VOPP1: variants seen among roughly 807,000 people sequenced by gnomAD.
VOPP1 encodes the protein VOPP1 WW domain binding protein.
VOPP1 carries 8 observed loss-of-function variants against 23.5 expected under a neutral mutation model. The observed-to-expected ratio is 0.34, with a 90% CI of 0.20 to 0.61. The LOEUF (loss-of-function observed/expected upper bound fraction) is 0.61, where lower values mean the gene tolerates loss of function less well. VOPP1 is among the 20% of genes least tolerant of loss of function. The probability of loss-of-function intolerance (pLI) is 0.78; values close to 1 mark genes in which losing one functional copy is unlikely to be tolerated. For missense variants in VOPP1, 174 were observed against 238.1 expected (o/e 0.73, Z 1.77); for synonymous variants, 83 against 97.3 (o/e 0.85, Z 0.86).
rs1339891537 is a variant in VOPP1, at chr7:55,539,031, TA to T, written c.55-17902del. 8.4e-3 allele frequency among the ~76,000 whole-genome samples: 640 copies of T among 75,766 alleles called. 9 individuals carry two copies. The highest frequency in any genetic ancestry group is 0.034 in the African/African-American group (583 of 16,960). 49.7% of individuals were successfully genotyped at this position (75,766 alleles called of 152,430 possible). On this transcript the variant is annotated intron_variant, in intron 1 of 4. Coordinates refer to ENST00000285279, the MANE Select transcript of VOPP1 (RefSeq NM_030796.5). ...TTCATTCCTTTTTGTTTCATTCCTT[TA>T]AAAAAAAAGGGGGGGGGGGAGGGGC...
downstream of VOPP1, among the ~76,000 whole-genome samples, chr7:55,467,857 C>T (rs111578138): frequency 0.012 from 1,832 of 152,354 alleles, 13 homozygotes; most frequent in Admixed American, 0.021. Context: ...TCCTGTAATA[C>T]ACCCCTTCTA....
At chr7:55,445,130 G>T (rs913617690) in intron 4 of VOPP1, among the ~76,000 whole-genome samples, 5 of 152,148 alleles carry the variant, frequency 3.3e-5, no homozygotes, top group African/African-American at 1.2e-4. Context: ...GAACAGAAGA[G>T]GGGGTGAAAC....
At chr7:55,461,389 TA>T (rs536045594) in intron 4 of VOPP1, among the ~76,000 whole-genome samples, 1 of 150,974 alleles carries the variant, frequency 6.6e-6, no homozygotes, top group South Asian at 2.1e-4. Flanking sequence ...TACAGAAATT[TA>T]AAAAAAAATG....
chr7:55,515,423 G>A (rs1472960957), intron 2 of VOPP1, among the ~76,000 whole-genome samples: 2 of 152,162 alleles, frequency 1.3e-5, no homozygotes, highest in Non-Finnish European at 2.9e-5. Flanking sequence ...AAAATCAGCG[G>A]ACCCATCAGC....
intron 1 of VOPP1, among the ~76,000 whole-genome samples, chr7:55,523,223 G>A (rs903596346): frequency 9.2e-5 from 14 of 152,154 alleles, no homozygotes; most frequent in African/African-American, 3.4e-4. Flanking sequence ...TAGTGAAAAA[G>A]CATAGGCAAA....
intron 4 of VOPP1, among the ~76,000 whole-genome samples, chr7:55,459,591 A>G (rs1791448127): frequency 6.6e-6 from 1 of 152,062 alleles, no homozygotes; most frequent in South Asian, 2.1e-4. Context: ...TTCCAGGTTC[A>G]ATCTTGGAAG....
Position 55,572,393 on chromosome 7 carries a change from C to G in VOPP1, c.-69G>C. 8.7e-7 allele frequency: 1 copy of G among 1,155,138 alleles called. No individual in the cohort carries two copies. The highest frequency in any genetic ancestry group is 1.1e-6 in the Non-Finnish European group (1 of 918,108). 71.6% of individuals were successfully genotyped at this position (1,155,138 alleles called of 1,614,324 possible). On this transcript the variant is annotated 5_prime_UTR_variant, in exon 1 of 5. Coordinates refer to ENST00000285279, the MANE Select transcript of VOPP1 (RefSeq NM_030796.5). ...GGCGCGCTTCGCGACTCGGCCCCCG[C>G]GCGGGGCGGGCGGGCAGACTGCAGC... is the stretch of plus-strand genomic sequence containing the variant.
At chr7:55,507,890 T>A (rs1158376544) in intron 2 of VOPP1, among the ~76,000 whole-genome samples, 1 of 152,198 alleles carries the variant, frequency 6.6e-6, no homozygotes, top group Admixed American at 6.5e-5. Context: ...ACTGCTTTGA[T>A]GAGGCCTGAG....
rs189175011 is a variant in VOPP1 at position 55,565,913 on chromosome 7, C to T, written c.54+6358G>A. 3.8e-3 allele frequency among the ~76,000 whole-genome samples: 575 copies of T among 152,286 alleles called. 13 individuals are homozygous for T. Among genetic ancestry groups the T allele is most frequent in the Non-Finnish European group, 8.8e-4 (60 of 68,024 alleles). On this transcript the variant is annotated intron_variant, in intron 1 of 4. Coordinates refer to ENST00000285279, the MANE Select transcript of VOPP1 (RefSeq NM_030796.5). ...CCTGGAGGGGAACCAAAGGTTTCAG[C>T]ACAAACCACAAGAAACACTGGATTC...
chr7:55,538,033 C>T (rs998421619), intron 1 of VOPP1, among the ~76,000 whole-genome samples: 1 of 152,350 alleles, frequency 6.6e-6, no homozygotes, highest in Non-Finnish European at 1.5e-5. Flanking sequence ...CAAACACTGC[C>T]TCCAGCCTGG....
At chr7:55,565,931 C>A (rs1798149793) in intron 1 of VOPP1, among the ~76,000 whole-genome samples, 1 of 152,210 alleles carries the variant, frequency 6.6e-6, no homozygotes, top group South Asian at 2.1e-4. Context: ...ACAAGAAACA[C>A]TGGATTCACC....
At chr7:55,513,765 T>C (rs971106819) in intron 2 of VOPP1, among the ~76,000 whole-genome samples, 3 of 152,214 alleles carry the variant, frequency 2.0e-5, no homozygotes, top group African/African-American at 7.2e-5. Context: ...GCCAAATCTT[T>C]TCCTCTTCCC....
chr7:55,534,131 C>CTT (rs10669665), intron 1 of VOPP1, among the ~76,000 whole-genome samples: 47,199 of 140,122 alleles, frequency 0.34, 8,430 homozygotes, highest in African/African-American at 0.44. Flanking sequence ...TTTCATGTAG[C>CTT]TTTTTTTTTT....
At position 55,560,467 on chromosome 7, in the gene VOPP1, G is replaced by A. The variant is rs556610110; in HGVS notation, c.54+11804C>T. On this transcript the variant is annotated intron_variant, in intron 1 of 4. Transcript: ENST00000285279. ...GAGAGAAATTAGAAGACACAGAATCGCTGGCTTTGAAGGGGAGGAAGGGAC... is the reference window on the plus strand; with the variant it reads ...GAGAGAAATTAGAAGACACAGAATCACTGGCTTTGAAGGGGAGGAAGGGAC... 1.4e-3 allele frequency among the ~76,000 whole-genome samples: 213 copies of A among 152,248 alleles called. 2 individuals carry two copies. Among genetic ancestry groups the A allele is most frequent in the African/African-American group, 5.0e-3 (209 of 41,526 alleles).
intron 1 of VOPP1, chr7:55,562,122 G>C: frequency 1.3e-5 from 9 of 700,630 alleles, no homozygotes; most frequent in Non-Finnish European, 2.3e-5. Context: ...TCATTCTAAT[G>C]TACAGCCAAC....
chr7:55,557,401 C>G (rs1303557718), intron 1 of VOPP1, among the ~76,000 whole-genome samples: 1 of 150,800 alleles, frequency 6.6e-6, no homozygotes, highest in African/African-American at 2.4e-5. Flanking sequence ...TTGCCACCAT[C>G]ATCTGGAGAA....
chr7:55,494,862 A>G (rs764349275), intron 3 of VOPP1, among the ~76,000 whole-genome samples: 17 of 152,142 alleles, frequency 1.1e-4, no homozygotes, highest in Non-Finnish European at 2.4e-4. Context: ...AGAGAGGAGT[A>G]GTAGTAAGAA....
At chr7:55,497,740 G>A (rs377339047) in intron 2 of VOPP1, 50 bp from the exon 3 acceptor site, 158 of 1,553,102 alleles carry the variant, frequency 1.0e-4, no homozygotes, top group Admixed American at 5.5e-4. Flanking sequence ...AGCAGCCACC[G>A]GACCAGCCAT....
chr7:55,542,863 C>A (rs1057216960), intron 1 of VOPP1, among the ~76,000 whole-genome samples: 2 of 151,192 alleles, frequency 1.3e-5, no homozygotes, highest in African/African-American at 4.8e-5. Flanking sequence ...TAATGTTCTC[C>A]ATATTGATCC....
Sources: gnomAD v4.1 joint callset for allele counts (sites outside exome capture counted in the v4.1 genomes callset) on GRCh38, gnomAD v4.1.1 for gene constraint, MANE v1.5 for transcripts, NCBI Gene and HGNC (gene_info 2026-07-23, HGNC 2026-07-21) for gene names.